SRP19: variants seen among roughly 807,000 people sequenced by gnomAD.
SRP19 encodes the protein signal recognition particle 19 kDa protein.
A neutral mutation model predicts 22.4 loss-of-function variants in SRP19; 11 were observed. The observed-to-expected ratio is 0.49, with a 90% CI of 0.31 to 0.81. SRP19 has a LOEUF of 0.81. Among genes scored for constraint, SRP19 ranks in the 40% least tolerant of loss-of-function variants. The pLI is 0.05. For missense variants in SRP19, 168 were observed against 175.9 expected, an observed-to-expected ratio of 0.96 and a Z score of 0.25; for synonymous variants, 61 against 57.6, an observed-to-expected ratio of 1.06 and a Z score of -0.27.
intron 4 of SRP19, among the ~76,000 whole-genome samples, chr5:112,883,503 T>C (rs1768139474): frequency 6.6e-6 from 1 of 152,216 alleles, no homozygotes; most frequent in African/African-American, 2.4e-5. Context: ...ATCAGTCTGC[T>C]TTGCTAGTTG....
rs1767669278 is a variant in SRP19 at position 112,868,157 on chromosome 5, A to G, written c.*620A>G. On this transcript the variant is annotated 3_prime_UTR_variant, in exon 5 of 5. Transcript: ENST00000505459. ...TGGATTTTAAGCTTTAAATTTGCTT[A>G]TTTTGTAGGTTTAAGAACATGATTT... 1 of 985,402 alleles carries G rather than the reference A, an allele frequency of 1.0e-6. No individual in the cohort carries two copies. Among genetic ancestry groups the G allele is most frequent in the Non-Finnish European group, 1.2e-6 (1 of 829,926 alleles). 61.0% of individuals were successfully genotyped at this position (985,402 alleles called of 1,614,324 possible).
At chr5:112,871,310 G>C (rs2909904), downstream of SRP19, among the ~76,000 whole-genome samples, 95,857 of 143,282 alleles carry the variant, frequency 0.67, 31,892 homozygotes, top group East Asian at 0.83. Flanking sequence ...TTTAAAACAG[G>C]CCAAAAAATG....
At chr5:112,863,705 C>G (rs959645381) in intron 2 of SRP19, among the ~76,000 whole-genome samples, 1 of 152,114 alleles carries the variant, frequency 6.6e-6, no homozygotes, top group Non-Finnish European at 1.5e-5. Context: ...GGCTCTGTCA[C>G]CCAGGCTGGA....
rs199834403 is a variant in SRP19, at chr5:112,864,488, A to G, written c.149A>G (p.Gln50Arg). The G allele has an allele frequency of 6.2e-7, 1 of 1,613,888 alleles. No homozygotes were observed. Among genetic ancestry groups the G allele is most frequent in the East Asian group, 2.2e-5 (1 of 44,870 alleles). Residue 50 changes from glutamine (Q) to arginine (R), a missense_variant, in exon 3 of 5, where the codon CAA becomes CGA. Physicochemically the swap from Gln to Arg is conservative, Grantham distance 43. Transcript: ENST00000505459. ...AVENPTATEIQDVCSAVGLNV... is the reference protein window; with the variant it reads ...AVENPTATEIRDVCSAVGLNV... ...GAAAATCCTACAGCTACAGAGATTC[A>G]AGATGTATGTTCAGCAGTTGGACTT...
At chr5:112,882,679 G>A (rs1280447107) in intron 4 of SRP19, among the ~76,000 whole-genome samples, 1 of 152,180 alleles carries the variant, frequency 6.6e-6, no homozygotes, top group Non-Finnish European at 1.5e-5. Flanking sequence ...AGTGTCCATG[G>A]CTGTTTTCAC....
rs747403967 is a variant in SRP19 at position 112,887,120 on chromosome 5, G to T, written c.302-4483G>T. On this transcript the variant is annotated intron_variant, in intron 4 of 4. Coordinates refer to the SRP19 transcript ENST00000391338. ...TTCAGGAAGAAAGGACGGATGATGCGCTTGTAGAGCAGTTCAGCCCCATTA... is the reference window on the plus strand; with the variant it reads ...TTCAGGAAGAAAGGACGGATGATGCTCTTGTAGAGCAGTTCAGCCCCATTA... 3 of 1,613,464 alleles carry T rather than the reference G, an allele frequency of 1.9e-6. No individual in the cohort carries two copies. The East Asian group carries it at 6.7e-5, about 36-fold the overall frequency.
chr5:112,873,113 G>A (rs1207464786), downstream of SRP19, among the ~76,000 whole-genome samples: 2 of 131,108 alleles, frequency 1.5e-5, no homozygotes, highest in African/African-American at 5.9e-5. Context: ...TTTGCCCATC[G>A]TGCTGGGCAG....
intron 4 of SRP19, among the ~76,000 whole-genome samples, chr5:112,887,574 G>A (rs938341170): frequency 2.0e-5 from 3 of 152,036 alleles, no homozygotes; most frequent in Non-Finnish European, 4.4e-5. Flanking sequence ...ATATCTAGGA[G>A]GCCTGTGCTT....
At position 112,862,572 on chromosome 5, in the gene SRP19, C is replaced by A. The variant is rs149666002; in HGVS notation, c.106C>A (p.Pro36Thr). 1.9e-6 allele frequency: 3 copies of A among 1,613,484 alleles called. No homozygotes were observed. Among genetic ancestry groups the A allele is most frequent in the African/African-American group, 2.7e-5 (2 of 74,866 alleles). ...GACCATCGCAGAGGGAAGGCGAATC[C>A]CCATAAGTAAGGTAAGCAAGATGGC... The part of the protein sequence containing the change: ...KKTIAEGRRI[P>T]ISKAVENPTA... Residue 36 changes from proline to threonine, a missense_variant, in exon 2 of 5, where the codon CCC becomes ACC. Coordinates refer to ENST00000505459, the MANE Select transcript of SRP19 (RefSeq NM_003135.3).
chr5:112,867,579 A>T lies in SRP19; in HGVS notation c.*42A>T. On this transcript the variant is annotated 3_prime_UTR_variant, in exon 5 of 5. Coordinates refer to ENST00000505459, the MANE Select transcript of SRP19 (RefSeq NM_003135.3). Reference sequence around the variant, plus strand: ...AGTATGTGGTACTACTGTAAGAGACATGAATGGAGACTTCTAATTTGTATC... The same window carrying T: ...AGTATGTGGTACTACTGTAAGAGACTTGAATGGAGACTTCTAATTTGTATC... The T allele has an allele frequency of 6.6e-7, 1 of 1,523,486 alleles. No homozygotes were observed. The highest frequency in any genetic ancestry group is 8.8e-7 in the Non-Finnish European group (1 of 1,134,430). The allele number at this position is 1,523,486 out of a possible 1,614,324, so 94.4% of individuals were successfully genotyped here.
rs1179399573 is a variant in SRP19, at chr5:112,861,552, C to T, written c.41+135C>T. ...AACTCGCTCTGTACGGGCCCCGCGC[C>T]TCTCCCTGGCAGCTCGTTTTTCTGA... On this transcript the variant is annotated intron_variant, in intron 1 of 4. Coordinates refer to ENST00000505459, the MANE Select transcript of SRP19 (RefSeq NM_003135.3). 4 of 892,536 alleles carry T rather than the reference C, an allele frequency of 4.5e-6. No homozygotes were observed. The South Asian group carries it at 5.3e-5, about 12-fold the overall frequency. The allele number at this position is 892,536 out of a possible 1,614,324, so 55.3% of individuals were successfully genotyped here.
At chr5:112,891,465 T>C (rs1768445030) in intron 4 of SRP19, 3 of 814,196 alleles carry the variant, frequency 3.7e-6, no homozygotes, top group African/African-American at 3.5e-5. Flanking sequence ...AACTGCAATA[T>C]AAAGGAGAAA....
intron 4 of SRP19, chr5:112,876,613 T>C (rs1160825093): frequency 1.3e-5 from 2 of 152,234 alleles, no homozygotes; most frequent in African/African-American, 4.8e-5. Flanking sequence ...GTAGGAATTC[T>C]GTAACTACAT....
Position 112,867,566 on chromosome 5 carries a change from T to G in SRP19, c.*29T>G. 1.9e-6 allele frequency: 3 copies of G among 1,579,178 alleles called. No homozygotes were observed. The highest frequency in any genetic ancestry group is 2.6e-6 in the Non-Finnish European group (3 of 1,162,716). ...AGTATCAGCATCAAGTATGTGGTAC[T>G]ACTGTAAGAGACATGAATGGAGACT... On this transcript the variant is annotated 3_prime_UTR_variant, in exon 5 of 5. Transcript: ENST00000505459.
intron 4 of SRP19, chr5:112,878,050 GTAAC>G (rs35202418): frequency 0.58 from 88,100 of 150,664 alleles, 27,230 homozygotes; most frequent in East Asian, 0.82. Context: ...ACTAGAGTGA[GTAAC>G]TAACTAACTA....
downstream of SRP19, among the ~76,000 whole-genome samples, chr5:112,874,240 G>A (rs1767845414): frequency 6.6e-6 from 1 of 152,168 alleles, no homozygotes; most frequent in Non-Finnish European, 1.5e-5. Context: ...CACTTTGGGA[G>A]GCCAAGGCAG....
At chr5:112,895,025 T>G (rs1215420656), downstream of SRP19, 2 of 150,508 alleles carry the variant, frequency 1.3e-5, no homozygotes, top group African/African-American at 4.9e-5. Flanking sequence ...GATCACGAGG[T>G]CAGGAGTTCG....
At chr5:112,883,589 T>C (rs950200445) in intron 4 of SRP19, among the ~76,000 whole-genome samples, 6 of 152,212 alleles carry the variant, frequency 3.9e-5, no homozygotes, top group South Asian at 2.1e-4. Flanking sequence ...CTAACTACAC[T>C]ACCTTCGTGA....
chr5:112,861,329 T>G lies in SRP19; in HGVS notation c.-48T>G. The stretch of plus-strand genomic sequence containing the variant: ...CAGAGCCGGGTTCCTCCCGGGTTTC[T>G]GCCGGGTTTCTCCCTGCGGCTCCTG... On this transcript the variant is annotated 5_prime_UTR_variant, in exon 1 of 5. Transcript: ENST00000505459. 1.2e-6 allele frequency: 2 copies of G among 1,612,354 alleles called. No individual in the cohort carries two copies. The highest frequency in any genetic ancestry group is 1.1e-5 in the South Asian group (1 of 90,902).
Sources: gnomAD v4.1 joint callset for allele counts (sites outside exome capture counted in the v4.1 genomes callset) on GRCh38, gnomAD v4.1.1 for gene constraint, MANE v1.5 for transcripts, NCBI Gene and HGNC (gene_info 2026-07-23, HGNC 2026-07-21) for gene names.